KCNIP4: variants seen among roughly 807,000 people sequenced by gnomAD.
KCNIP4 encodes the protein potassium voltage-gated channel interacting protein 4.
Under a neutral mutation model 34.0 loss-of-function variants are expected in KCNIP4, and 12 were observed. The ratio of observed to expected loss-of-function variants is 0.35; its 90% confidence interval spans 0.23 to 0.57. KCNIP4 has a LOEUF of 0.57. Among genes scored for constraint, KCNIP4 ranks in the 20% least tolerant of loss-of-function variants. The probability of loss-of-function intolerance (pLI) is 0.83; values close to 1 mark genes in which losing one functional copy is unlikely to be tolerated. For synonymous variants in KCNIP4, 124 were observed against 102.2 expected, an observed-to-expected ratio of 1.21 and a Z score of -1.29; for missense variants, 238 against 311.7, an observed-to-expected ratio of 0.76 and a Z score of 1.78.
intron 1 of KCNIP4, among the ~76,000 whole-genome samples, chr4:21,864,961 CA>C (rs1725325554): frequency 6.6e-6 from 1 of 152,150 alleles, no homozygotes; most frequent in African/African-American, 2.4e-5. Context: ...ATGATCTGGA[CA>C]TTGACAAGAT....
At chr4:21,642,560 G>T (rs887648163) in intron 1 of KCNIP4, among the ~76,000 whole-genome samples, 5 of 152,104 alleles carry the variant, frequency 3.3e-5, no homozygotes, top group African/African-American at 7.2e-5. Context: ...AATGGAAATG[G>T]CTCTATTTAC....
chr4:21,519,184 G>A (rs748443370), intron 1 of KCNIP4, among the ~76,000 whole-genome samples: 1 of 151,966 alleles, frequency 6.6e-6, no homozygotes, highest in Non-Finnish European at 1.5e-5. Context: ...TGAAGCTCTC[G>A]TGAATGCGAT....
At chr4:21,284,642 G>A (rs777052863) in intron 1 of KCNIP4, among the ~76,000 whole-genome samples, 7 of 152,160 alleles carry the variant, frequency 4.6e-5, no homozygotes, top group Admixed American at 1.3e-4. Context: ...GGAGATCTCC[G>A]AGGATAAACA....
chr4:21,132,027 ATT>A (rs1037259469), intron 1 of KCNIP4, among the ~76,000 whole-genome samples: 13 of 152,110 alleles, frequency 8.5e-5, no homozygotes, highest in Non-Finnish European at 4.4e-5. Context: ...TGTGATGGAG[ATT>A]GTGTGTGAAA....
intron 1 of KCNIP4, among the ~76,000 whole-genome samples, chr4:21,113,436 G>T (rs1459254750): frequency 1.2e-5 from 1 of 86,174 alleles, no homozygotes; most frequent in African/African-American, 5.7e-5. Context: ...AGGAGAGGTT[G>T]TGCATCTATC....
chr4:20,890,332 G>C (rs1370181171), intron 1 of KCNIP4, among the ~76,000 whole-genome samples: 1 of 152,140 alleles, frequency 6.6e-6, no homozygotes, highest in East Asian at 1.9e-4. Context: ...TCTGTTGGTG[G>C]ATATGGATAT....
At chr4:21,615,151 A>G (rs959333788) in intron 1 of KCNIP4, among the ~76,000 whole-genome samples, 3 of 152,198 alleles carry the variant, frequency 2.0e-5, no homozygotes, top group African/African-American at 4.8e-5. Context: ...TAGAAAAATC[A>G]GGAAAATCTT....
intron 1 of KCNIP4, among the ~76,000 whole-genome samples, chr4:21,928,886 C>T (rs1413138445): frequency 1.2e-5 from 1 of 85,900 alleles, no homozygotes; most frequent in African/African-American, 3.2e-5. Context: ...TAACAACAAC[C>T]TAACTGAGAT....
chr4:21,213,494 G>T (rs1757366237), intron 1 of KCNIP4, among the ~76,000 whole-genome samples: 1 of 151,988 alleles, frequency 6.6e-6, no homozygotes, highest in Admixed American at 6.6e-5. Flanking sequence ...TAGAAATGGG[G>T]TTTCACCAAG....
intron 1 of KCNIP4, among the ~76,000 whole-genome samples, chr4:21,808,248 C>T (rs998473426): frequency 6.6e-6 from 1 of 152,074 alleles, no homozygotes; most frequent in Non-Finnish European, 1.5e-5. Flanking sequence ...TCCTTGAACA[C>T]ACAAATTTGA....
At chr4:21,290,161 A>G (rs933590416) in intron 1 of KCNIP4, among the ~76,000 whole-genome samples, 6 of 152,278 alleles carry the variant, frequency 3.9e-5, no homozygotes, top group East Asian at 3.9e-4. Flanking sequence ...AAGTTGAAAA[A>G]TGACTTCAAG....
chr4:21,295,915 T>G lies in KCNIP4; in HGVS notation c.62-413206A>C, dbSNP rs1763814628. ...TGGACCACAATAGAGGCACATGCAG[T>G]TAGTGAATGAATGAATGAATGAATG... On this transcript the variant is annotated intron_variant, in intron 1 of 8. Transcript: ENST00000382152. Among the ~76,000 whole-genome samples, 4 of 133,428 alleles carry G rather than the reference T, an allele frequency of 3.0e-5. No homozygotes were observed. The Admixed American group carries it at 3.2e-4, about 11-fold the overall frequency. The allele number at this position is 133,428 out of a possible 152,430, so 87.5% of individuals were successfully genotyped here.
intron 1 of KCNIP4, among the ~76,000 whole-genome samples, chr4:21,695,901 T>A (rs947904728): frequency 3.9e-5 from 6 of 152,036 alleles, no homozygotes; most frequent in African/African-American, 1.4e-4. Flanking sequence ...TGGCACATCA[T>A]CCTTACTTGA....
At chr4:20,922,535 G>GTCTATCTA (rs1177161853) in intron 1 of KCNIP4, among the ~76,000 whole-genome samples, 5 of 86,886 alleles carry the variant, frequency 5.8e-5, no homozygotes, top group Admixed American at 2.7e-4. Context: ...CTGTCTGTCT[G>GTCTATCTA]TCTGTCTGTC....
chr4:21,858,777 T>C (rs1578078550), intron 1 of KCNIP4, among the ~76,000 whole-genome samples: 1 of 152,236 alleles, frequency 6.6e-6, no homozygotes. Flanking sequence ...TTAATTTCCT[T>C]TTTAACAGTA....
intron 3 of KCNIP4, among the ~76,000 whole-genome samples, chr4:20,790,603 AAC>A (rs1482385773): frequency 6.6e-6 from 1 of 152,064 alleles, no homozygotes; most frequent in Non-Finnish European, 1.5e-5. Context: ...CCATAACATA[AAC>A]ACCCTCATTG....
intron 1 of KCNIP4, chr4:21,845,678 A>C (rs987935843): frequency 4.6e-5 from 7 of 152,006 alleles, no homozygotes; most frequent in Non-Finnish European, 8.8e-5. Flanking sequence ...CAAGGTGAAA[A>C]ACTTAACCCT....
intron 1 of KCNIP4, among the ~76,000 whole-genome samples, chr4:21,919,080 G>C (rs1728803166): frequency 6.6e-6 from 1 of 152,156 alleles, no homozygotes; most frequent in African/African-American, 2.4e-5. Flanking sequence ...AGACAACCTA[G>C]GCTGCCCCAT....
At chr4:21,199,286 C>T (rs1242371850) in intron 1 of KCNIP4, among the ~76,000 whole-genome samples, 1 of 152,120 alleles carries the variant, frequency 6.6e-6, no homozygotes, top group Non-Finnish European at 1.5e-5. Context: ...GAGATGGTAT[C>T]TCATTGTGGT....
Sources: allele counts gnomAD v4.1 joint callset (sites outside exome capture counted in the v4.1 genomes callset), GRCh38; gene constraint gnomAD v4.1.1; transcripts MANE v1.5; gene names NCBI Gene and HGNC (gene_info 2026-07-23, HGNC 2026-07-21).